The following CD8B2 variants were observed in gnomAD, a reference collection of about 807,000 sequenced individuals.
The protein encoded by CD8B2 is T-cell surface glycoprotein CD8 beta-2 chain.
A neutral mutation model predicts 23.7 loss-of-function variants in CD8B2; 11 were observed. The ratio of observed to expected loss-of-function variants is 0.46; its 90% CI spans 0.29 to 0.77. The LOEUF is 0.77. Ranked by LOEUF, CD8B2 falls within the 30% of genes least tolerant of loss-of-function variation. The probability of loss-of-function intolerance (pLI) is 0.09; values close to 1 mark genes in which losing one functional copy is unlikely to be tolerated. For missense variants in CD8B2, 197 were observed against 270.5 expected, an observed-to-expected ratio of 0.73 and a Z score of 1.91; for synonymous variants, 90 against 109.3, an observed-to-expected ratio of 0.82 and a Z score of 1.10.
intron 5 of CD8B2, among the ~76,000 whole-genome samples, chr2:106,532,613 G>C (rs1680005284): frequency 6.6e-6 from 1 of 152,224 alleles, no homozygotes; most frequent in South Asian, 2.1e-4. Context: ...GATTATTCAT[G>C]AGTTTTCTGC....
intron 3 of CD8B2, among the ~76,000 whole-genome samples, chr2:106,499,214 G>C (rs1341697345): frequency 6.6e-6 from 1 of 152,058 alleles, no homozygotes; most frequent in Non-Finnish European, 1.5e-5. Context: ...CCTGCGACCT[G>C]CACCCACCTC....
intron 5 of CD8B2, among the ~76,000 whole-genome samples, chr2:106,528,288 A>G (rs1391983659): frequency 6.6e-6 from 1 of 152,194 alleles, no homozygotes; most frequent in Non-Finnish European, 1.5e-5. Flanking sequence ...TTAGTATCAT[A>G]TTGAAGAAGA....
downstream of CD8B2, among the ~76,000 whole-genome samples, chr2:106,511,661 G>A (rs898535770): frequency 5.1e-4 from 78 of 152,166 alleles, no homozygotes; most frequent in African/African-American, 1.8e-3. Context: ...AAGCTGATCC[G>A]AATCTACCAC....
chr2:106,539,197 C>T (rs11674388), intron 5 of CD8B2, among the ~76,000 whole-genome samples: 76,948 of 152,000 alleles, frequency 0.51, 19,886 homozygotes, highest in Non-Finnish European at 0.54. Flanking sequence ...CCACAGCACT[C>T]GGGGCCCATG....
At chr2:106,525,593 A>G (rs1679895132) in intron 5 of CD8B2, among the ~76,000 whole-genome samples, 1 of 152,000 alleles carries the variant, frequency 6.6e-6, no homozygotes, top group Non-Finnish European at 1.5e-5. Flanking sequence ...GTCACCCCCA[A>G]AGGAAACCCT....
intron 5 of CD8B2, among the ~76,000 whole-genome samples, chr2:106,527,248 T>C (rs1300043136): frequency 1.3e-5 from 2 of 151,600 alleles, no homozygotes; most frequent in East Asian, 3.9e-4. Flanking sequence ...ACTTTTTTCT[T>C]AAAAAAAAAT....
intron 3 of CD8B2, among the ~76,000 whole-genome samples, chr2:106,496,649 G>A (rs953645770): frequency 2.6e-5 from 4 of 151,940 alleles, no homozygotes; most frequent in Admixed American, 6.6e-5. Flanking sequence ...AAAATGAAAG[G>A]AGCCAGTCAC....
chr2:106,531,093 C>G (rs1363547568), intron 5 of CD8B2, among the ~76,000 whole-genome samples: 1 of 152,208 alleles, frequency 6.6e-6, no homozygotes, highest in East Asian at 1.9e-4. Context: ...CTGACTCACC[C>G]TAAATTATTT....
At chr2:106,539,262 C>T (rs1293921511) in intron 5 of CD8B2, among the ~76,000 whole-genome samples, 1 of 152,174 alleles carries the variant, frequency 6.6e-6, no homozygotes, top group Non-Finnish European at 1.5e-5. Flanking sequence ...ACTGTGTCTC[C>T]AGCAGGTATC....
At chr2:106,534,626 C>T (rs1558887273) in intron 5 of CD8B2, among the ~76,000 whole-genome samples, 2 of 152,092 alleles carry the variant, frequency 1.3e-5, no homozygotes, top group Non-Finnish European at 2.9e-5. Context: ...TTCCCAGGGA[C>T]CAGAGCTAGC....
chr2:106,543,926 T>C (rs1181576860), intron 5 of CD8B2: 7 of 398,408 alleles, frequency 1.8e-5, no homozygotes, highest in African/African-American at 1.4e-4. Flanking sequence ...GTGATGTACA[T>C]TGCCCATCTT....
At chr2:106,511,963 C>T (rs1028745446), downstream of CD8B2, among the ~76,000 whole-genome samples, 2 of 152,240 alleles carry the variant, frequency 1.3e-5, no homozygotes, top group Admixed American at 6.5e-5. Context: ...GTACTGTTGG[C>T]TCTCCTGGAT....
At chr2:106,543,184 AC>A (rs1680204188) in intron 5 of CD8B2, 1 of 152,160 alleles carries the variant, frequency 6.6e-6, no homozygotes, top group Non-Finnish European at 1.5e-5. Flanking sequence ...GAACTGCCTT[AC>A]CTGCAGCTAC....
chr2:106,522,219 C>T (rs532270199), intron 5 of CD8B2: 7 of 152,204 alleles, frequency 4.6e-5, no homozygotes, highest in African/African-American at 9.6e-5. Context: ...ATTTATGGCT[C>T]TCCTCTACAC....
chr2:106,502,936 G>T (rs1009939807), intron 4 of CD8B2, among the ~76,000 whole-genome samples: 1 of 151,882 alleles, frequency 6.6e-6, no homozygotes, highest in Non-Finnish European at 1.5e-5. Flanking sequence ...GGGAACTCAC[G>T]TGAGCAGTTG....
At chr2:106,527,628 C>CA (rs575687802) in intron 5 of CD8B2, among the ~76,000 whole-genome samples, 4 of 152,008 alleles carry the variant, frequency 2.6e-5, no homozygotes, top group African/African-American at 7.2e-5. Context: ...ACTAAAAATA[C>CA]AAAAAAATTA....
intron 1 of CD8B2, among the ~76,000 whole-genome samples, chr2:106,488,379 A>G (rs911999230): frequency 1.3e-5 from 2 of 151,840 alleles, no homozygotes; most frequent in African/African-American, 4.8e-5. Flanking sequence ...TGTCCAGCAC[A>G]CAGCAGGGCC....
At chr2:106,524,158 C>T (rs1295986702) in intron 5 of CD8B2, among the ~76,000 whole-genome samples, 2 of 152,162 alleles carry the variant, frequency 1.3e-5, no homozygotes, top group South Asian at 2.1e-4. Context: ...GGCTTGACTT[C>T]CCACTAGCCT....
intron 5 of CD8B2, among the ~76,000 whole-genome samples, chr2:106,523,921 G>A (rs1022653201): frequency 6.6e-6 from 1 of 152,144 alleles, no homozygotes; most frequent in African/African-American, 2.4e-5. Context: ...TCAGTCCCTT[G>A]AGCTCCATCC....
Sources: allele counts gnomAD v4.1 joint callset (sites outside exome capture counted in the v4.1 genomes callset), GRCh38; gene constraint gnomAD v4.1.1; transcripts MANE v1.5; gene names NCBI Gene and HGNC (gene_info 2026-07-23, HGNC 2026-07-21).